GALNT13: variants seen among roughly 807,000 people sequenced by gnomAD.
The protein encoded by GALNT13 is UDP-GalNAc:polypeptide N-acetylgalactosaminyltransferase 13.
GALNT13 carries 28 observed loss-of-function variants against 64.2 expected under a neutral mutation model. The ratio of observed to expected loss-of-function variants is 0.44; its 90% CI spans 0.32 to 0.60. The LOEUF (loss-of-function observed/expected upper bound fraction) is 0.60. Ranked by LOEUF, GALNT13 falls within the 20% of genes least tolerant of loss-of-function variation. GALNT13 has a pLI of 0.05. For missense variants in GALNT13, 577 were observed against 669.8 expected (o/e 0.86, Z 1.53); for synonymous variants, 214 against 224.6 (o/e 0.95, Z 0.42).
the GALNT13 span, among the ~76,000 whole-genome samples, chr2:153,590,928 C>T: frequency 6.6e-6 from 1 of 151,960 alleles, no homozygotes; most frequent in Non-Finnish European, 1.5e-5. Context: ...TGCTAATTTT[C>T]ACCACTCCTA....
At chr2:153,929,828 T>C (rs1690393749) in intron 2 of GALNT13, among the ~76,000 whole-genome samples, 1 of 152,212 alleles carries the variant, frequency 6.6e-6, no homozygotes, top group Non-Finnish European at 1.5e-5. Flanking sequence ...TATGTCTTAA[T>C]AATAAAATGA....
At chr2:153,419,918 TA>T in the GALNT13 span, among the ~76,000 whole-genome samples, 1 of 152,100 alleles carries the variant, frequency 6.6e-6, no homozygotes, top group Non-Finnish European at 1.5e-5. Flanking sequence ...AAGTGGATTT[TA>T]AAAAAGTAGT....
intron 3 of GALNT13, among the ~76,000 whole-genome samples, chr2:154,126,607 C>G (rs1483554733): frequency 6.6e-6 from 1 of 150,674 alleles, no homozygotes; most frequent in Non-Finnish European, 1.5e-5. Context: ...TGCACTCCAG[C>G]CCGGACGACA....
chr2:153,476,058 C>T, the GALNT13 span, among the ~76,000 whole-genome samples: 1 of 152,154 alleles, frequency 6.6e-6, no homozygotes, highest in Non-Finnish European at 1.5e-5. Context: ...AAACAACAAA[C>T]AAGCAAACAA....
chr2:153,934,468 C>G lies in GALNT13; in HGVS notation c.-104-9926C>G, dbSNP rs74750582. Among the ~76,000 whole-genome samples the G allele has an allele frequency of 1.1e-4, 17 of 152,194 alleles. No individual in the cohort carries two copies. The East Asian group carries it at 3.3e-3, about 29-fold the overall frequency. ...GCTAAAAGTTAGCTTGTTATTATGT[C>G]ATGGATTTGGGCAGAATGGACTTCT... On this transcript the variant is annotated intron_variant, in intron 2 of 12. Transcript: ENST00000392825.
At chr2:153,838,384 C>T in the GALNT13 span, among the ~76,000 whole-genome samples, 1 of 151,648 alleles carries the variant, frequency 6.6e-6, no homozygotes, top group Admixed American at 6.6e-5. Context: ...GGTTTCAAAC[C>T]CTATATTTAA....
At chr2:153,485,562 C>T in the GALNT13 span, among the ~76,000 whole-genome samples, 1 of 152,102 alleles carries the variant, frequency 6.6e-6, no homozygotes, top group Admixed American at 6.6e-5. Flanking sequence ...TTTTTGAATT[C>T]AGAACTTAAA....
At chr2:154,383,162 A>G (rs542949116) in intron 9 of GALNT13, among the ~76,000 whole-genome samples, 2 of 151,954 alleles carry the variant, frequency 1.3e-5, no homozygotes, top group East Asian at 3.9e-4. Context: ...ATCCCAGAAA[A>G]TAGGCTAGCC....
chr2:153,983,793 C>T (rs1437799240), intron 3 of GALNT13, among the ~76,000 whole-genome samples: 2 of 151,936 alleles, frequency 1.3e-5, no homozygotes, highest in Non-Finnish European at 2.9e-5. Flanking sequence ...ATGGTATGAA[C>T]ATATTTCATT....
chr2:154,198,248 G>T (rs1279962836), intron 4 of GALNT13, among the ~76,000 whole-genome samples: 1 of 152,060 alleles, frequency 6.6e-6, no homozygotes, highest in Non-Finnish European at 1.5e-5. Context: ...TATTGAGACG[G>T]TGAGATGGGG....
intron 3 of GALNT13, among the ~76,000 whole-genome samples, chr2:154,008,688 G>A (rs79524904): frequency 3.9e-4 from 59 of 152,058 alleles, no homozygotes; most frequent in Non-Finnish European, 3.5e-4. Context: ...TGTGGTATTT[G>A]GTTTTCTCTT....
chr2:153,691,743 TG>T, the GALNT13 span, among the ~76,000 whole-genome samples: 1 of 152,120 alleles, frequency 6.6e-6, no homozygotes, highest in Non-Finnish European at 1.5e-5. Context: ...AAATAAATTT[TG>T]TTAAGGATGT....
intron 3 of GALNT13, among the ~76,000 whole-genome samples, chr2:154,021,034 G>A (rs1190469324): frequency 4.6e-5 from 7 of 152,092 alleles, no homozygotes; most frequent in Non-Finnish European, 8.8e-5. Context: ...TATTTCTGAC[G>A]CCTCTGTTCT....
the GALNT13 span, among the ~76,000 whole-genome samples, chr2:153,093,236 C>CTTTTTTTTT: frequency 5.4e-5 from 7 of 129,010 alleles, 1 homozygote; most frequent in Admixed American, 8.7e-5. Flanking sequence ...TTTTTCTTTT[C>CTTTTTTTTT]TTTTCTTTTT....
the GALNT13 span, among the ~76,000 whole-genome samples, chr2:153,102,879 T>C: frequency 6.6e-6 from 1 of 152,178 alleles, no homozygotes; most frequent in Admixed American, 6.6e-5. Flanking sequence ...AGAGGGATAA[T>C]TGAAGTCTCC....
At chr2:153,703,682 T>C in the GALNT13 span, among the ~76,000 whole-genome samples, 16,912 of 152,190 alleles carry the variant, frequency 0.11, 1,401 homozygotes, top group African/African-American at 0.23. Flanking sequence ...CTGCCTTGCC[T>C]GGTTTCTATG....
At chr2:154,344,039 T>G (rs1340416531) in intron 9 of GALNT13, among the ~76,000 whole-genome samples, 1 of 152,002 alleles carries the variant, frequency 6.6e-6, no homozygotes, top group Non-Finnish European at 1.5e-5. Flanking sequence ...TCTCTCTCCT[T>G]GTGAGTCTTA....
At chr2:154,328,382 G>A (rs1486967181) in intron 9 of GALNT13, among the ~76,000 whole-genome samples, 1 of 151,942 alleles carries the variant, frequency 6.6e-6, no homozygotes, top group Non-Finnish European at 1.5e-5. Flanking sequence ...ATTTTCACTG[G>A]CATATAATGT....
the GALNT13 span, among the ~76,000 whole-genome samples, chr2:153,750,096 T>TA: frequency 6.6e-6 from 1 of 151,916 alleles, no homozygotes; most frequent in Admixed American, 6.6e-5. Context: ...ATATGATTTT[T>TA]ATCCTTCATT....
Sources: gnomAD v4.1 joint callset for allele counts (sites outside exome capture counted in the v4.1 genomes callset) on GRCh38, gnomAD v4.1.1 for gene constraint, MANE v1.5 for transcripts, NCBI Gene and HGNC (gene_info 2026-07-23, HGNC 2026-07-21) for gene names.